Variants in FAM221A observed in about 807,000 individuals in gnomAD.
The protein encoded by FAM221A is protein FAM221A.
Under a neutral mutation model 37.6 loss-of-function variants are expected in FAM221A, and 43 were observed. That is an observed-to-expected ratio of 1.15 (90% CI 0.90 to 1.48). The LOEUF is 1.48. Among genes scored for constraint, FAM221A ranks in the 40% most tolerant of loss-of-function variants. The pLI is 0.00. For synonymous variants in FAM221A, 135 were observed against 132.9 expected (o/e 1.02, Z -0.11); for missense variants, 361 against 361.5 (o/e 1.00, Z 0.01).
intron 4 of FAM221A, among the ~76,000 whole-genome samples, chr7:23,696,491 G>C (rs1018708907): frequency 2.0e-5 from 3 of 152,216 alleles, no homozygotes; most frequent in African/African-American, 7.2e-5. Flanking sequence ...CTGAGCTTTG[G>C]ATGCAGAGGT....
intron 1 of FAM221A, among the ~76,000 whole-genome samples, chr7:23,683,005 T>C (rs191759800): frequency 6.6e-6 from 1 of 152,324 alleles, no homozygotes; most frequent in Admixed American, 6.5e-5. Context: ...ATTTCATAGC[T>C]TATAAATTGG....
intron 4 of FAM221A, among the ~76,000 whole-genome samples, chr7:23,695,998 T>C (rs930826370): frequency 1.3e-5 from 2 of 152,214 alleles, no homozygotes; most frequent in African/African-American, 4.8e-5. Flanking sequence ...GGTATAGTCA[T>C]GTGCCACTAA....
At chr7:23,689,745 A>C (rs1304054124) in intron 3 of FAM221A, among the ~76,000 whole-genome samples, 1 of 152,210 alleles carries the variant, frequency 6.6e-6, no homozygotes, top group South Asian at 2.1e-4. Context: ...GATTTTAAAG[A>C]ATTGCCAGAT....
intron 5 of FAM221A, among the ~76,000 whole-genome samples, chr7:23,700,151 A>T (rs979171307): frequency 1.3e-5 from 2 of 150,892 alleles, no homozygotes; most frequent in African/African-American, 4.8e-5. Flanking sequence ...AGAAACTAGA[A>T]GCGCAAGTGT....
chr7:23,685,302 C>T (rs1784307749), intron 2 of FAM221A, among the ~76,000 whole-genome samples: 1 of 134,770 alleles, frequency 7.4e-6, no homozygotes, highest in Non-Finnish European at 1.7e-5. Context: ...CAAAACAAAA[C>T]AAAACCCCAC....
At chr7:23,684,774 T>G in intron 2 of FAM221A, 102 bp downstream of exon 2, 1 of 1,101,366 alleles carries the variant, frequency 9.1e-7, no homozygotes. Context: ...TTAACAATTG[T>G]CCTTTATATA....
Position 23,690,170 on chromosome 7 carries a change from C to CAT in FAM221A, c.430+740_430+741dup, listed in dbSNP as rs1175330292. Among the ~76,000 whole-genome samples the CAT allele has an allele frequency of 5.6e-3, 386 of 68,564 alleles. 9 individuals carry two copies. The highest frequency in any genetic ancestry group is 0.024 in the South Asian group (26 of 1,072). The allele number at this position is 68,564 out of a possible 152,430, so 45.0% of individuals were successfully genotyped here. ...ACTGATTTATTTATATGCCTTGGTT[C>CAT]ATATATATATATATATATATATATA... On this transcript the variant is annotated intron_variant, in intron 3 of 6. Coordinates refer to ENST00000344962, the MANE Select transcript of FAM221A (RefSeq NM_199136.5).
intron 4 of FAM221A, chr7:23,692,897 G>GA: frequency 8.0e-6 from 2 of 250,512 alleles, no homozygotes; most frequent in Non-Finnish European, 1.3e-5. Context: ...TGAACTCCTG[G>GA]GTTCAAGCGA....
chr7:23,686,954 T>A (rs1784410214), intron 2 of FAM221A: 1 of 152,062 alleles, frequency 6.6e-6, no homozygotes, highest in South Asian at 2.1e-4. Flanking sequence ...CCCTGCTAAT[T>A]TTGTATTTTT....
At chr7:23,692,712 T>C (rs1562524649) in intron 4 of FAM221A, 1 of 983,726 alleles carries the variant, frequency 1.0e-6, no homozygotes, top group African/African-American at 1.7e-5. Flanking sequence ...AGAAATTAAG[T>C]GCAAAACACC....
At chr7:23,697,249 A>T (rs1013809536) in intron 4 of FAM221A, among the ~76,000 whole-genome samples, 5 of 152,216 alleles carry the variant, frequency 3.3e-5, no homozygotes, top group African/African-American at 1.2e-4. Context: ...GGAGAGACTG[A>T]GCAATCGTCC....
At chr7:23,685,077 G>A (rs1282997705) in intron 2 of FAM221A, among the ~76,000 whole-genome samples, 1 of 152,098 alleles carries the variant, frequency 6.6e-6, no homozygotes, top group African/African-American at 2.4e-5. Context: ...GTGAAACCCT[G>A]TCTCTACTAA....
chr7:23,682,268 G>A (rs2128032671), intron 1 of FAM221A, among the ~76,000 whole-genome samples: 1 of 151,618 alleles, frequency 6.6e-6, no homozygotes, highest in South Asian at 2.1e-4. Flanking sequence ...ATCTCACTAG[G>A]ATGCCCAGGC....
Position 23,689,141 on chromosome 7 carries a change from A to C in FAM221A, c.240-128A>C, listed in dbSNP as rs567691502. 1.7e-5 allele frequency: 10 copies of C among 591,686 alleles called. No homozygotes were observed. In the South Asian group the frequency reaches 2.4e-4, roughly 14 times the overall value. 36.7% of individuals were successfully genotyped at this position (591,686 alleles called of 1,614,324 possible). On this transcript the variant is annotated intron_variant, in intron 2 of 6. Coordinates refer to ENST00000344962, the MANE Select transcript of FAM221A (RefSeq NM_199136.5). ...ACTATATGTAGGAGAGTTTATTTTC[A>C]CCTTACTATGAAGAATAATAAAGCA...
Position 23,700,800 on chromosome 7 carries a change from C to T in FAM221A, c.760C>T (p.Gln254Ter), listed in dbSNP as rs375667500. ...ETLTDVGTSS[Q>*]VSSLRRPEED... ...TTCCTTGTTAGTAGGTACAAGTAGT[C>T]AAGTTTCTTCATTAAGGAGACCTGA... Residue 254 changes from glutamine to a stop codon, truncating the protein, a stop_gained, in exon 6 of 7, where the codon CAA becomes TAA. Coordinates refer to ENST00000344962, the MANE Select transcript of FAM221A (RefSeq NM_199136.5). LOFTEE classifies it high-confidence loss of function. 1.9e-6 allele frequency: 3 copies of T among 1,601,934 alleles called. No homozygotes were observed. Among genetic ancestry groups the T allele is most frequent in the African/African-American group, 1.3e-5 (1 of 74,502 alleles).
rs777343625 is a variant in FAM221A, at chr7:23,684,579, G to A, written c.146G>A (p.Arg49His). 3 of 1,614,054 alleles carry A rather than the reference G, an allele frequency of 1.9e-6. No homozygotes were observed. The highest frequency in any genetic ancestry group is 2.5e-6 in the Non-Finnish European group (3 of 1,179,982). Residue 49 changes from arginine (R) to histidine (H), a missense_variant, in exon 2 of 7, where the codon CGC becomes CAC. Transcript: ENST00000344962. ...TACAAAAGAAAAGTTTTACCTCTGC[G>A]CTTACAAAACAGATTATTTGTGAGC... is the stretch of plus-strand genomic sequence containing the variant. The part of the protein sequence containing the change: ...EEYKRKVLPL[R>H]LQNRLFVSWR...
chr7:23,700,712 A>G (rs1254485524), intron 5 of FAM221A, 74 bp from the exon 6 acceptor site: 3 of 973,378 alleles, frequency 3.1e-6, no homozygotes, highest in African/African-American at 1.7e-5. Context: ...AGCAGGAGAA[A>G]ACTTTTCTTT....
At position 23,682,412 on chromosome 7, in the gene FAM221A, TTTA is replaced by T. The variant is rs1007309199; in HGVS notation, c.66-2060_66-2058del. Reference sequence around the variant, plus strand: ...GTGTGTGTGTGTATGTATATATATATTTATTATTATTATTATTATTATTATTAT... The same window carrying T: ...GTGTGTGTGTGTATGTATATATATATTTATTATTATTATTATTATTATTAT... On this transcript the variant is annotated intron_variant, in intron 1 of 6. Coordinates refer to ENST00000344962, the MANE Select transcript of FAM221A (RefSeq NM_199136.5). 2.2e-3 allele frequency among the ~76,000 whole-genome samples: 284 copies of T among 131,202 alleles called. 5 individuals carry two copies. Among genetic ancestry groups the T allele is most frequent in the Admixed American group, 3.5e-3 (43 of 12,224 alleles). The allele number at this position is 131,202 out of a possible 152,430, so 86.1% of individuals were successfully genotyped here.
At chr7:23,687,363 A>T (rs546613430) in intron 2 of FAM221A, 1 of 152,280 alleles carries the variant, frequency 6.6e-6, no homozygotes, top group Admixed American at 6.5e-5. Flanking sequence ...TTCTGGTTCT[A>T]TAAAAGATTT....
Sources: allele counts gnomAD v4.1 joint callset (sites outside exome capture counted in the v4.1 genomes callset), GRCh38; gene constraint gnomAD v4.1.1; transcripts MANE v1.5; gene names NCBI Gene and HGNC (gene_info 2026-07-23, HGNC 2026-07-21).